The following CSNK1G1 variants were observed in gnomAD, a reference collection of about 807,000 sequenced individuals.
The protein encoded by CSNK1G1 is casein kinase I isoform gamma-1.
A neutral mutation model predicts 59.6 loss-of-function variants in CSNK1G1; 22 were observed. The ratio of observed to expected loss-of-function variants is 0.37; its 90% CI spans 0.26 to 0.53. CSNK1G1 has a LOEUF of 0.53. Ranked by LOEUF, CSNK1G1 falls within the 20% of genes least tolerant of loss-of-function variation. The pLI is 0.89. For missense variants in CSNK1G1, 384 were observed against 519.5 expected (o/e 0.74, Z 2.54); for synonymous variants, 179 against 177.1 (o/e 1.01, Z -0.08).
rs2081656444 is a variant in CSNK1G1 at position 64,170,901 on chromosome 15, G to A, written c.*1030C>T. ...AAGCTGATTAGGTCAAGATGCTCTG[G>A]TAGGGACATTCTTCAGCTGCTGAGA... is the stretch of plus-strand genomic sequence containing the variant. On this transcript the variant is annotated 3_prime_UTR_variant, in exon 12 of 12. Coordinates refer to ENST00000303052, the MANE Select transcript of CSNK1G1 (RefSeq NM_022048.5). The A allele has an allele frequency of 6.6e-6, 1 of 152,552 alleles. No homozygotes were observed. The highest frequency in any genetic ancestry group is 1.5e-5 in the Non-Finnish European group (1 of 68,022). The allele number at this position is 152,552 out of a possible 1,614,324, so 9.4% of individuals were successfully genotyped here.
chr15:64,232,971 A>C (rs567089592), intron 4 of CSNK1G1, among the ~76,000 whole-genome samples: 25 of 152,296 alleles, frequency 1.6e-4, no homozygotes, highest in African/African-American at 6.0e-4. Context: ...ACCTTTTTGA[A>C]ACCTCTGCCT....
At chr15:64,312,068 T>C (rs1388457407) in intron 1 of CSNK1G1, among the ~76,000 whole-genome samples, 4 of 152,136 alleles carry the variant, frequency 2.6e-5, no homozygotes, top group Non-Finnish European at 5.9e-5. Context: ...AAGGACCTCT[T>C]CAAGGAGAAC....
At chr15:64,185,067 ATATAT>A (rs1045990180) in intron 10 of CSNK1G1, among the ~76,000 whole-genome samples, 2 of 152,328 alleles carry the variant, frequency 1.3e-5, no homozygotes, top group Non-Finnish European at 2.9e-5. Context: ...GAAAGGGAAA[ATATAT>A]TATCTTCTTG....
At chr15:64,267,340 T>C (rs947644400) in intron 2 of CSNK1G1, among the ~76,000 whole-genome samples, 2 of 148,020 alleles carry the variant, frequency 1.4e-5, no homozygotes, top group Non-Finnish European at 3.0e-5. Context: ...TGGGATTATA[T>C]CAAATTTAAA....
chr15:64,178,168 A>G (rs1315209648), intron 11 of CSNK1G1, among the ~76,000 whole-genome samples: 1 of 152,224 alleles, frequency 6.6e-6, no homozygotes, highest in Non-Finnish European at 1.5e-5. Flanking sequence ...TTGAGAGCCC[A>G]GAGGGTGGGA....
chr15:64,242,937 T>G (rs916077311), intron 4 of CSNK1G1, among the ~76,000 whole-genome samples: 20 of 152,194 alleles, frequency 1.3e-4, no homozygotes, highest in African/African-American at 4.8e-4. Flanking sequence ...ATACATAAAT[T>G]AATATATGAG....
At chr15:64,295,119 T>C (rs1327002190) in intron 2 of CSNK1G1, among the ~76,000 whole-genome samples, 1 of 152,128 alleles carries the variant, frequency 6.6e-6, no homozygotes, top group Non-Finnish European at 1.5e-5. Context: ...AAGTCTCAGA[T>C]ATGCATTTCT....
intron 11 of CSNK1G1, among the ~76,000 whole-genome samples, chr15:64,174,714 T>C (rs935033281): frequency 6.6e-6 from 1 of 152,202 alleles, no homozygotes; most frequent in African/African-American, 2.4e-5. Flanking sequence ...CACTACCTTT[T>C]CCATATGGCA....
chr15:64,203,637 C>T (rs373963127), intron 9 of CSNK1G1, among the ~76,000 whole-genome samples: 69 of 133,072 alleles, frequency 5.2e-4, no homozygotes, highest in African/African-American at 1.9e-3. Context: ...GCGGAGGTTG[C>T]GGTGAGCTGA....
rs2140192064 is a variant in CSNK1G1 at position 64,168,924 on chromosome 15, ATGCTAAAGGGACC to A, written c.*2994_*3006del. On this transcript the variant is annotated 3_prime_UTR_variant, in exon 12 of 12. Transcript: ENST00000303052. ...TCTGGAGGGATCACCATTACTCTGC[ATGCTAAAGGGACC>A]TGGGATTCTTTACCCTTGTTATAAA... The A allele has an allele frequency of 6.5e-6, 1 of 152,680 alleles. No individual in the cohort carries two copies. The highest frequency in any genetic ancestry group is 2.4e-5 in the African/African-American group (1 of 41,584). 9.5% of individuals were successfully genotyped at this position (152,680 alleles called of 1,614,324 possible). A position where few individuals can be genotyped will look rare whatever the true frequency, so the allele number is the denominator to read the frequency against.
intron 4 of CSNK1G1, among the ~76,000 whole-genome samples, chr15:64,220,896 C>G (rs1213345041): frequency 6.6e-6 from 1 of 152,094 alleles, no homozygotes; most frequent in African/African-American, 2.4e-5. Context: ...AGAGAGATGG[C>G]TAGAATGAAA....
chr15:64,290,310 T>C (rs1292470755), intron 2 of CSNK1G1, among the ~76,000 whole-genome samples: 1 of 151,714 alleles, frequency 6.6e-6, no homozygotes, highest in African/African-American at 2.4e-5. Context: ...TGATTTTATA[T>C]ATATATATAC....
At chr15:64,282,842 C>T (rs909681808) in intron 2 of CSNK1G1, among the ~76,000 whole-genome samples, 3 of 152,108 alleles carry the variant, frequency 2.0e-5, no homozygotes, top group African/African-American at 4.8e-5. Flanking sequence ...ATTCTAGTCA[C>T]CCTAGAGGGT....
chr15:64,314,554 T>C lies in CSNK1G1; in HGVS notation c.-224-13831A>G, dbSNP rs1008675777. ...TACAAAAACTATCTTCACCACACTG[T>C]ACCACAGAATTAAAAAAAAAAAAAA... is the stretch of plus-strand genomic sequence containing the variant. On this transcript the variant is annotated intron_variant, in intron 1 of 11. Coordinates refer to ENST00000303052, the MANE Select transcript of CSNK1G1 (RefSeq NM_022048.5). Among the ~76,000 whole-genome samples, 15 of 120,240 alleles carry C rather than the reference T, an allele frequency of 1.2e-4. No individual in the cohort carries two copies. In the South Asian group the frequency reaches 1.7e-3, roughly 13 times the overall value. The allele number at this position is 120,240 out of a possible 152,430, so 78.9% of individuals were successfully genotyped here.
intron 4 of CSNK1G1, among the ~76,000 whole-genome samples, chr15:64,223,019 A>G (rs2082411263): frequency 6.6e-6 from 1 of 152,202 alleles, no homozygotes; most frequent in Non-Finnish European, 1.5e-5. Flanking sequence ...TGAGCATAAA[A>G]GTTTCTTTGG....
At chr15:64,280,727 T>A (rs1220175772) in intron 2 of CSNK1G1, among the ~76,000 whole-genome samples, 1 of 152,082 alleles carries the variant, frequency 6.6e-6, no homozygotes, top group East Asian at 1.9e-4. Context: ...ATTCTGTTGG[T>A]GTCTTATGCT....
chr15:64,261,264 C>G (rs1845163119), intron 2 of CSNK1G1, among the ~76,000 whole-genome samples: 1 of 152,262 alleles, frequency 6.6e-6, no homozygotes, highest in East Asian at 1.9e-4. Context: ...TTTTTCAGGA[C>G]AGCTCTTCCT....
chr15:64,276,565 C>A (rs966959030), intron 2 of CSNK1G1, among the ~76,000 whole-genome samples: 2 of 151,860 alleles, frequency 1.3e-5, no homozygotes, highest in Non-Finnish European at 2.9e-5. Context: ...CAAATGGGAA[C>A]CCATGAAAAT....
intron 2 of CSNK1G1, among the ~76,000 whole-genome samples, chr15:64,298,439 G>A (rs1376621329): frequency 2.6e-5 from 4 of 152,134 alleles, no homozygotes; most frequent in Non-Finnish European, 5.9e-5. Flanking sequence ...AGAACTATTC[G>A]TTAAAGCAAC....
Sources: allele counts gnomAD v4.1 joint callset (sites outside exome capture counted in the v4.1 genomes callset), GRCh38; gene constraint gnomAD v4.1.1; transcripts MANE v1.5; gene names NCBI Gene and HGNC (gene_info 2026-07-23, HGNC 2026-07-21).